CDH18: variants seen among roughly 807,000 people sequenced by gnomAD.
CDH18 encodes the protein cadherin-18.
A neutral mutation model predicts 67.9 loss-of-function variants in CDH18; 31 were observed. That is an observed-to-expected ratio of 0.46 (90% CI 0.34 to 0.62). The LOEUF (loss-of-function observed/expected upper bound fraction) is 0.62, where lower values mean the gene tolerates loss of function less well. Among genes scored for constraint, CDH18 ranks in the 20% least tolerant of loss-of-function variants. The pLI, the probability that CDH18 is intolerant of heterozygous loss-of-function variation, is 0.01. For missense variants in CDH18, 890 were observed against 975.5 expected (o/e 0.91, Z 1.17); for synonymous variants, 362 against 347.2 (o/e 1.04, Z -0.48).
At chr5:19,859,952 G>T (rs1561457946) in intron 2 of CDH18, among the ~76,000 whole-genome samples, 1 of 147,536 alleles carries the variant, frequency 6.8e-6, no homozygotes, top group Non-Finnish European at 1.5e-5. Flanking sequence ...ACCTCCTAAG[G>T]TTTCTTTCTG....
At chr5:19,766,523 ATCCAG>A (rs1259726584) in intron 3 of CDH18, among the ~76,000 whole-genome samples, 1 of 152,030 alleles carries the variant, frequency 6.6e-6, no homozygotes, top group Non-Finnish European at 1.5e-5. Flanking sequence ...TCATCTCTCC[ATCCAG>A]TCCATTCACC....
chr5:19,484,132 T>C (rs1385140094), intron 11 of CDH18, among the ~76,000 whole-genome samples: 2 of 152,198 alleles, frequency 1.3e-5, no homozygotes, highest in Admixed American at 6.5e-5. Flanking sequence ...ATAAAATAGC[T>C]AATCATATTT....
rs114061353 is a variant in CDH18 at position 20,279,396 on chromosome 5, T to C, written c.-579-23891A>G. Among the ~76,000 whole-genome samples the C allele has an allele frequency of 6.6e-3, 1,011 of 152,042 alleles. 18 individuals are homozygous for C. Among genetic ancestry groups the C allele is most frequent in the African/African-American group, 0.023 (968 of 41,458 alleles). On this transcript the variant is annotated intron_variant, in intron 1 of 14. Coordinates refer to the CDH18 transcript ENST00000507958. ...CACCCCACACTGGAGTACACAGATA[T>C]ATAAAGCAAATACTATAAGAGGCTG...
chr5:19,694,242 C>T (rs565506164), intron 5 of CDH18, among the ~76,000 whole-genome samples: 1 of 152,188 alleles, frequency 6.6e-6, no homozygotes, highest in East Asian at 1.9e-4. Context: ...GCTTGTTTCT[C>T]CACAACTCTC....
chr5:20,539,757 A>AACAC (rs1554016455), intron 1 of CDH18, among the ~76,000 whole-genome samples: 9 of 51,336 alleles, frequency 1.8e-4, no homozygotes, highest in Admixed American at 4.6e-4. Flanking sequence ...CACACACACA[A>AACAC]ACACACACAC....
In CDH18 at chr5:19,485,324, C is replaced by T. The variant is rs145945794; in HGVS notation, c.1631-1772G>A. Among the ~76,000 whole-genome samples, 978 of 151,280 alleles carry T rather than the reference C, an allele frequency of 6.5e-3. 16 individuals carry two copies. The highest frequency in any genetic ancestry group is 0.022 in the African/African-American group (918 of 41,216). On this transcript the variant is annotated intron_variant, in intron 11 of 12. Transcript: ENST00000382275. ...AGGCTGGAGTGCAGTGGCGCCACCT[C>T]GGCTCACTGCAAGCTCAGCCTCCCG...
At chr5:19,849,166 T>C (rs1783355026) in intron 2 of CDH18, among the ~76,000 whole-genome samples, 1 of 152,028 alleles carries the variant, frequency 6.6e-6, no homozygotes, top group Non-Finnish European at 1.5e-5. Flanking sequence ...AATGTGGAGC[T>C]TGCAGCCAAT....
chr5:20,188,743 G>A (rs939659203), intron 2 of CDH18, among the ~76,000 whole-genome samples: 2 of 148,574 alleles, frequency 1.3e-5, no homozygotes, highest in Non-Finnish European at 3.0e-5. Context: ...GCACGAGTTT[G>A]ATCCAAGCAC....
chr5:19,980,977 C>T (rs1367047333), intron 2 of CDH18, 83 bp downstream of exon 2: 1 of 152,222 alleles, frequency 6.6e-6, no homozygotes, highest in Non-Finnish European at 1.5e-5. Flanking sequence ...TATCCTTTCA[C>T]ATCACTTTCC....
rs895520412 is a variant in CDH18 at position 20,519,407 on chromosome 5, G to A, written c.-580+56055C>T. ...ACACCGCATGTTCTCACTCATAGGTGGGAATTGAACAACGGGAACACATGG... is the reference window on the plus strand; with the variant it reads ...ACACCGCATGTTCTCACTCATAGGTAGGAATTGAACAACGGGAACACATGG... On this transcript the variant is annotated intron_variant, in intron 1 of 14. Transcript: ENST00000507958. Among the ~76,000 whole-genome samples the A allele has an allele frequency of 2.6e-5, 4 of 152,016 alleles. No individual in the cohort carries two copies. In the South Asian group the frequency reaches 6.2e-4, roughly 24 times the overall value.
At chr5:20,264,709 T>C (rs1309219081) in intron 1 of CDH18, among the ~76,000 whole-genome samples, 2 of 152,110 alleles carry the variant, frequency 1.3e-5, no homozygotes, top group Non-Finnish European at 2.9e-5. Context: ...CAACTATTTT[T>C]AAAAAGTCAC....
intron 2 of CDH18, among the ~76,000 whole-genome samples, chr5:20,252,584 C>T (rs570213020): frequency 2.0e-5 from 3 of 152,120 alleles, no homozygotes; most frequent in East Asian, 1.9e-4. Context: ...TCTAGTAACA[C>T]CTCTAAAAGT....
Position 20,479,400 on chromosome 5 carries a change from A to G in CDH18, c.-580+96062T>C, listed in dbSNP as rs113039164. On this transcript the variant is annotated intron_variant, in intron 1 of 14. Transcript: ENST00000507958. ...CACAGAAACAATTCAGAATACTGTC[A>G]GACAAATTTACAAAGAGATTTAATT... Among the ~76,000 whole-genome samples the G allele has an allele frequency of 3.6e-3, 543 of 152,272 alleles. 5 individuals are homozygous for G. The highest frequency in any genetic ancestry group is 0.012 in the African/African-American group (516 of 41,570).
chr5:20,571,552 G>GTATTGTATATGCTTTGTA (rs1561142322), intron 1 of CDH18, among the ~76,000 whole-genome samples: 2 of 152,006 alleles, frequency 1.3e-5, no homozygotes, highest in East Asian at 1.9e-4. Context: ...AGAACTTTGT[G>GTATTGTATATGCTTTGTA]TATTGTATAT....
chr5:20,412,806 G>A (rs996539899), intron 1 of CDH18, among the ~76,000 whole-genome samples: 7 of 152,124 alleles, frequency 4.6e-5, no homozygotes, highest in Admixed American at 3.9e-4. Context: ...CAGTCAAATT[G>A]GCTATTATTC....
At chr5:19,497,700 G>C (rs1351051771) in intron 11 of CDH18, among the ~76,000 whole-genome samples, 1 of 152,196 alleles carries the variant, frequency 6.6e-6, no homozygotes, top group Non-Finnish European at 1.5e-5. Flanking sequence ...TTCTTGGTGT[G>C]AGGAAATTAG....
chr5:20,080,545 C>T (rs1744363402), intron 2 of CDH18, among the ~76,000 whole-genome samples: 1 of 152,072 alleles, frequency 6.6e-6, no homozygotes, highest in Non-Finnish European at 1.5e-5. Context: ...GTTATTAATA[C>T]AGTGTTAATT....
At chr5:19,930,025 G>A (rs1296575334) in intron 2 of CDH18, among the ~76,000 whole-genome samples, 1 of 152,028 alleles carries the variant, frequency 6.6e-6, no homozygotes. Context: ...AAGAATGGCA[G>A]CTAACACCCA....
intron 2 of CDH18, among the ~76,000 whole-genome samples, chr5:20,084,569 T>G (rs903581415): frequency 2.6e-5 from 4 of 152,192 alleles, no homozygotes; most frequent in African/African-American, 7.2e-5. Context: ...ACCCCACATT[T>G]CCCTTCTGCA....
Sources: allele counts gnomAD v4.1 joint callset (sites outside exome capture counted in the v4.1 genomes callset), GRCh38; gene constraint gnomAD v4.1.1; transcripts MANE v1.5; gene names NCBI Gene and HGNC (gene_info 2026-07-23, HGNC 2026-07-21).